MYRIP: variants seen among roughly 807,000 people sequenced by gnomAD.
The protein encoded by MYRIP is myosin VIIA and Rab interacting protein, also known as rab effector MyRIP.
A neutral mutation model predicts 98.0 loss-of-function variants in MYRIP; 49 were observed. The observed-to-expected ratio is 0.50, with a 90% CI of 0.40 to 0.63. The LOEUF (loss-of-function observed/expected upper bound fraction) is 0.63, where lower values mean the gene tolerates loss of function less well. Among genes scored for constraint, MYRIP ranks in the 30% least tolerant of loss-of-function variants. The pLI is 0.00. For missense variants in MYRIP, 1,004 were observed against 1,058.2 expected, an observed-to-expected ratio of 0.95 and a Z score of 0.71; for synonymous variants, 404 against 409.5, an observed-to-expected ratio of 0.99 and a Z score of 0.16.
chr3:39,989,446 C>T (rs528804872), intron 2 of MYRIP, among the ~76,000 whole-genome samples: 59 of 152,294 alleles, frequency 3.9e-4, no homozygotes, highest in East Asian at 3.9e-3. Context: ...CCAGTAGGAA[C>T]GCTCTTGTAT....
chr3:40,224,388 T>G (rs1952430674), intron 11 of MYRIP, among the ~76,000 whole-genome samples: 1 of 149,502 alleles, frequency 6.7e-6, no homozygotes, highest in Non-Finnish European at 1.5e-5. Context: ...GGAACTATTG[T>G]CTGAGGAACA....
intron 2 of MYRIP, among the ~76,000 whole-genome samples, chr3:39,956,682 G>A (rs957428209): frequency 1.3e-5 from 2 of 151,884 alleles, no homozygotes; most frequent in Non-Finnish European, 2.9e-5. Context: ...TAAGATCAGA[G>A]CAGAACTGAA....
At chr3:39,986,075 T>C (rs1946024406) in intron 2 of MYRIP, among the ~76,000 whole-genome samples, 1 of 152,152 alleles carries the variant, frequency 6.6e-6, no homozygotes, top group Non-Finnish European at 1.5e-5. Context: ...GTAAGGAAAG[T>C]TTTTAAACAG....
chr3:40,204,171 T>TATATTATATA (rs1951720478), intron 10 of MYRIP, among the ~76,000 whole-genome samples: 1 of 34,888 alleles, frequency 2.9e-5, no homozygotes, highest in African/African-American at 9.8e-5. Flanking sequence ...ATATAATATT[T>TATATTATATA]ATATATTATA....
chr3:40,133,666 G>A (rs1483197432), intron 3 of MYRIP, among the ~76,000 whole-genome samples: 1 of 152,178 alleles, frequency 6.6e-6, no homozygotes, highest in African/African-American at 2.4e-5. Flanking sequence ...GAACCCAAGA[G>A]GTGGAGATTG....
chr3:40,249,580 G>A (rs868707993), intron 13 of MYRIP, among the ~76,000 whole-genome samples: 31 of 152,278 alleles, frequency 2.0e-4, no homozygotes, highest in Middle Eastern at 6.8e-3. Context: ...GACAGGGGAG[G>A]ACCAGGGTTC....
intron 3 of MYRIP, among the ~76,000 whole-genome samples, chr3:40,080,340 G>A (rs1429881201): frequency 6.6e-6 from 1 of 152,006 alleles, no homozygotes; most frequent in East Asian, 1.9e-4. Context: ...TTGTACCTAT[G>A]TTCACAGGTG....
At chr3:40,116,791 T>A in intron 3 of MYRIP, among the ~76,000 whole-genome samples, 1 of 152,204 alleles carries the variant, frequency 6.6e-6, no homozygotes, top group East Asian at 1.9e-4. Flanking sequence ...TTGGGGTGTA[T>A]CCCAAAAACC....
At chr3:40,158,917 T>C (rs1305690457) in intron 4 of MYRIP, among the ~76,000 whole-genome samples, 1 of 152,042 alleles carries the variant, frequency 6.6e-6, no homozygotes, top group Non-Finnish European at 1.5e-5. Flanking sequence ...GTTTCCTGAA[T>C]ACAGCACACT....
chr3:39,875,551 C>T (rs1385521235), intron 1 of MYRIP, among the ~76,000 whole-genome samples: 13 of 151,826 alleles, frequency 8.6e-5, no homozygotes, highest in South Asian at 2.1e-4. Context: ...TCTTTGTTCT[C>T]GTTGGTTTCA....
intron 2 of MYRIP, among the ~76,000 whole-genome samples, chr3:39,923,925 C>G (rs902465409): frequency 1.3e-5 from 2 of 151,946 alleles, no homozygotes; most frequent in Admixed American, 6.6e-5. Context: ...ACCAGTAGAG[C>G]ATGATGTATG....
chr3:40,060,596 T>TGAGAGAGAGAGAGAGAGAGAGA (rs35495297), intron 3 of MYRIP, among the ~76,000 whole-genome samples: 3,942 of 138,540 alleles, frequency 0.028, 97 homozygotes, highest in East Asian at 0.043. Context: ...TTTCTTTTTT[T>TGAGAGAGAGAGAGAGAGAGAGA]GAGAGAGAGA....
At chr3:40,174,529 A>G (rs961236464) in intron 8 of MYRIP, 2 of 152,202 alleles carry the variant, frequency 1.3e-5, no homozygotes, top group Non-Finnish European at 2.9e-5. Context: ...TTTCCCTTTG[A>G]GAAGCTGCTA....
intron 1 of MYRIP, among the ~76,000 whole-genome samples, chr3:39,827,381 C>CA (rs1334392294): frequency 2.0e-5 from 3 of 152,140 alleles, no homozygotes; most frequent in Non-Finnish European, 2.9e-5. Flanking sequence ...CCCAAATACT[C>CA]AGTTTATAGG....
intron 1 of MYRIP, among the ~76,000 whole-genome samples, chr3:39,889,164 C>G (rs1182101919): frequency 2.6e-5 from 4 of 152,154 alleles, no homozygotes; most frequent in African/African-American, 9.7e-5. Context: ...TTTGACCCAG[C>G]CATCCCATTA....
intron 3 of MYRIP, among the ~76,000 whole-genome samples, chr3:40,050,747 A>T (rs9867657): frequency 0.37 from 55,688 of 152,072 alleles, 10,250 homozygotes; most frequent in Middle Eastern, 0.43. Context: ...TAGATGTCAT[A>T]AAGAGCATTT....
At chr3:39,849,255 G>A (rs1387606180) in intron 1 of MYRIP, among the ~76,000 whole-genome samples, 1 of 152,106 alleles carries the variant, frequency 6.6e-6, no homozygotes, top group Admixed American at 6.5e-5. Context: ...CAGTACCAAT[G>A]GATGACGGAA....
chr3:40,024,177 C>A (rs1947069245), intron 2 of MYRIP, among the ~76,000 whole-genome samples: 1 of 152,156 alleles, frequency 6.6e-6, no homozygotes, highest in Admixed American at 6.5e-5. Context: ...TCCCTCACAT[C>A]TCCACTTTTC....
At chr3:40,139,175 G>A (rs1949842664) in intron 3 of MYRIP, among the ~76,000 whole-genome samples, 1 of 152,122 alleles carries the variant, frequency 6.6e-6, no homozygotes, top group African/African-American at 2.4e-5. Flanking sequence ...TGGCTGACTG[G>A]TATTTCATGG....
Sources: allele counts gnomAD v4.1 joint callset (sites outside exome capture counted in the v4.1 genomes callset), GRCh38; gene constraint gnomAD v4.1.1; transcripts MANE v1.5; gene names NCBI Gene and HGNC (gene_info 2026-07-23, HGNC 2026-07-21).